The following EYS variants were observed in gnomAD, a reference collection of about 807,000 sequenced individuals.
EYS encodes the protein EGF-like photoreceptor maintenance factor, also known as protein eyes shut homolog.
In EYS, 250 loss-of-function variants were observed where a neutral mutation model predicts 282.1. The observed-to-expected ratio is 0.89, with a 90% CI of 0.80 to 0.98. EYS has a LOEUF of 0.98. Ranked by LOEUF, EYS falls within the 50% of genes least tolerant of loss-of-function variation. EYS has a pLI of 0.00. For synonymous variants in EYS, 1,355 were observed against 1,282.9 expected (o/e 1.06, Z -1.20); for missense variants, 4,016 against 3,709.0 (o/e 1.08, Z -2.15).
intron 26 of EYS, among the ~76,000 whole-genome samples, chr6:64,446,740 G>C (rs1431751928): frequency 6.6e-6 from 1 of 151,990 alleles, no homozygotes; most frequent in African/African-American, 2.4e-5. Flanking sequence ...TTACTCTGTA[G>C]TGATCAGGTA....
At chr6:65,321,716 T>C (rs1769480879) in intron 11 of EYS, among the ~76,000 whole-genome samples, 1 of 152,162 alleles carries the variant, frequency 6.6e-6, no homozygotes, top group African/African-American at 2.4e-5. Context: ...ATGTGGGGGC[T>C]GCATGTGCCA....
chr6:64,108,243 G>T (rs1457015474), intron 31 of EYS, among the ~76,000 whole-genome samples: 1 of 152,094 alleles, frequency 6.6e-6, no homozygotes, highest in Non-Finnish European at 1.5e-5. Flanking sequence ...CCAGCTTCCA[G>T]CAACTTGTCA....
chr6:65,065,517 G>C (rs2150162374), intron 12 of EYS, among the ~76,000 whole-genome samples: 1 of 151,666 alleles, frequency 6.6e-6, no homozygotes, highest in Non-Finnish European at 1.5e-5. Context: ...AGGGTAGCTG[G>C]GACTACAGGT....
chr6:64,369,864 T>G (rs1772303646), intron 29 of EYS, among the ~76,000 whole-genome samples: 2 of 152,104 alleles, frequency 1.3e-5, no homozygotes, highest in Non-Finnish European at 2.9e-5. Flanking sequence ...GCTACTGATT[T>G]TTGTACATTG....
chr6:65,499,288 G>A (rs1024862342), intron 2 of EYS, among the ~76,000 whole-genome samples: 1 of 151,756 alleles, frequency 6.6e-6, no homozygotes, highest in Non-Finnish European at 1.5e-5. Context: ...TTTTATATAA[G>A]CCAAAAAATA....
intron 33 of EYS, among the ~76,000 whole-genome samples, chr6:64,008,801 T>C (rs1242060932): frequency 6.6e-6 from 1 of 152,226 alleles, no homozygotes; most frequent in Non-Finnish European, 1.5e-5. Context: ...CCCCAATCTC[T>C]TCTTGCTTTT....
In EYS at chr6:64,915,566, T is replaced by C. The variant is rs1057017785; in HGVS notation, c.2382-2823A>G. Among the ~76,000 whole-genome samples, 7 of 152,160 alleles carry C rather than the reference T, an allele frequency of 4.6e-5. No individual in the cohort carries two copies. In the East Asian group the frequency reaches 1.2e-3, roughly 25 times the overall value. On this transcript the variant is annotated intron_variant, in intron 15 of 42. Transcript: ENST00000503581. ...TATATATAGTGCCTGGAATCTGCATTGCCTGGCCACCTACACTGTTTACTA... is the reference window on the plus strand; with the variant it reads ...TATATATAGTGCCTGGAATCTGCATCGCCTGGCCACCTACACTGTTTACTA...
intron 33 of EYS, among the ~76,000 whole-genome samples, chr6:64,058,367 C>G (rs1771055490): frequency 6.6e-6 from 1 of 152,054 alleles, no homozygotes; most frequent in African/African-American, 2.4e-5. Context: ...GGATTGAGCT[C>G]TACCACTAAG....
intron 14 of EYS, among the ~76,000 whole-genome samples, chr6:64,980,595 T>G (rs1770627108): frequency 6.6e-6 from 1 of 151,438 alleles, no homozygotes; most frequent in African/African-American, 2.4e-5. Flanking sequence ...ACATATACTT[T>G]GTGTTCCTAT....
intron 26 of EYS, among the ~76,000 whole-genome samples, chr6:64,531,065 A>G (rs1337810778): frequency 1.4e-4 from 22 of 152,198 alleles, no homozygotes; most frequent in Admixed American, 1.4e-3. Context: ...TTCTCATGCT[A>G]TAGAGCAAGA....
intron 22 of EYS, among the ~76,000 whole-genome samples, chr6:64,685,936 T>A (rs1412227254): frequency 2.0e-5 from 3 of 152,016 alleles, no homozygotes; most frequent in Non-Finnish European, 4.4e-5. Flanking sequence ...GTTTGAAATC[T>A]TATAGAGTAT....
intron 29 of EYS, among the ~76,000 whole-genome samples, chr6:64,365,643 G>T (rs1250550518): frequency 1.3e-5 from 2 of 151,960 alleles, no homozygotes; most frequent in Non-Finnish European, 2.9e-5. Context: ...GGTGAACTGA[G>T]AATAATATTG....
chr6:65,693,928 G>C (rs1429101392), intron 1 of EYS, among the ~76,000 whole-genome samples: 1 of 150,034 alleles, frequency 6.7e-6, no homozygotes, highest in Admixed American at 6.7e-5. Flanking sequence ...AATTGCTTTA[G>C]TGTTTACTAC....
At chr6:64,232,410 A>G (rs1446700772) in intron 30 of EYS, among the ~76,000 whole-genome samples, 1 of 151,832 alleles carries the variant, frequency 6.6e-6, no homozygotes, top group Non-Finnish European at 1.5e-5. Context: ...TTTGTTTGGG[A>G]TGAAGTTTTA....
intron 12 of EYS, among the ~76,000 whole-genome samples, chr6:65,061,017 T>C (rs958576428): frequency 6.6e-6 from 1 of 151,836 alleles, no homozygotes; most frequent in East Asian, 1.9e-4. Context: ...TTAGGACAAA[T>C]CATTAACAAA....
intron 26 of EYS, among the ~76,000 whole-genome samples, chr6:64,569,964 A>G: frequency 6.6e-6 from 1 of 152,174 alleles, no homozygotes; most frequent in Non-Finnish European, 1.5e-5. Context: ...ACTCCTTGAG[A>G]AGAGTAACCC....
At chr6:64,890,606 T>C (rs1767261137) in intron 18 of EYS, among the ~76,000 whole-genome samples, 1 of 152,182 alleles carries the variant, frequency 6.6e-6, no homozygotes, top group African/African-American at 2.4e-5. Flanking sequence ...CCTTCAAATG[T>C]ATTTACTCTA....
chr6:64,710,605 G>A (rs1771177043), intron 22 of EYS, among the ~76,000 whole-genome samples: 1 of 152,184 alleles, frequency 6.6e-6, no homozygotes, highest in Admixed American at 6.5e-5. Flanking sequence ...TCCTTCCTGT[G>A]TTTCCTTCCT....
At chr6:63,775,325 GA>G (rs929658647) in intron 40 of EYS, among the ~76,000 whole-genome samples, 3 of 152,174 alleles carry the variant, frequency 2.0e-5, no homozygotes, top group Non-Finnish European at 2.9e-5. Flanking sequence ...GAGCTAAAGG[GA>G]GCATTTTGAG....
Sources: gnomAD v4.1 joint callset for allele counts (sites outside exome capture counted in the v4.1 genomes callset) on GRCh38, gnomAD v4.1.1 for gene constraint, MANE v1.5 for transcripts, NCBI Gene and HGNC (gene_info 2026-07-23, HGNC 2026-07-21) for gene names.